Variants in NOL4 observed in about 807,000 individuals in gnomAD.
The protein encoded by NOL4 is cancer/testis antigen 125.
Under a neutral mutation model 75.9 loss-of-function variants are expected in NOL4, and 17 were observed. That is an observed-to-expected ratio of 0.22 (90% CI 0.15 to 0.34). NOL4 has a LOEUF of 0.34. Among genes scored for constraint, NOL4 ranks in the 10% least tolerant of loss-of-function variants. The pLI, the probability that NOL4 is intolerant of heterozygous loss-of-function variation, is 1.00. For synonymous variants in NOL4, 292 were observed against 289.9 expected (o/e 1.01, Z -0.07); for missense variants, 614 against 793.5 (o/e 0.77, Z 2.72).
chr18:33,886,812 G>A (rs1317359617), intron 9 of NOL4, among the ~76,000 whole-genome samples: 1 of 134,542 alleles, frequency 7.4e-6, no homozygotes. Context: ...TACGTATATA[G>A]ATATATCTAT....
intron 2 of NOL4, among the ~76,000 whole-genome samples, chr18:34,120,694 G>A (rs2080099400): frequency 2.0e-5 from 3 of 152,176 alleles, no homozygotes; most frequent in African/African-American, 4.8e-5. Context: ...AAAAGTGAAT[G>A]TGCTACAGAG....
chr18:34,046,601 CTT>C (rs1491122160), intron 5 of NOL4, among the ~76,000 whole-genome samples: 7 of 38,438 alleles, frequency 1.8e-4, no homozygotes, highest in African/African-American at 4.3e-4. Context: ...TTACTATTTA[CTT>C]ATACATATAT....
intron 10 of NOL4, among the ~76,000 whole-genome samples, chr18:33,864,016 A>G (rs2063310888): frequency 1.3e-5 from 2 of 152,126 alleles, no homozygotes; most frequent in African/African-American, 4.8e-5. Context: ...CAATGGCTGA[A>G]CCTTTACCTT....
chr18:34,119,898 A>G (rs1311151770), intron 2 of NOL4, among the ~76,000 whole-genome samples: 1 of 152,166 alleles, frequency 6.6e-6, no homozygotes, highest in Non-Finnish European at 1.5e-5. Flanking sequence ...CTGGGATTAC[A>G]GGCTTAAGCC....
intron 2 of NOL4, among the ~76,000 whole-genome samples, chr18:34,122,901 C>T (rs2080211045): frequency 6.6e-6 from 1 of 151,986 alleles, no homozygotes; most frequent in Non-Finnish European, 1.5e-5. Context: ...GAGGCATTAA[C>T]CAGCTACTTT....
intron 4 of NOL4, among the ~76,000 whole-genome samples, chr18:34,099,527 C>A (rs865785096): frequency 2.6e-5 from 4 of 151,980 alleles, no homozygotes; most frequent in African/African-American, 9.7e-5. Flanking sequence ...CATTTCATTA[C>A]CAGCAACTGC....
intron 6 of NOL4, among the ~76,000 whole-genome samples, chr18:33,973,959 A>G (rs1412084957): frequency 6.6e-6 from 1 of 152,158 alleles, no homozygotes; most frequent in African/African-American, 2.4e-5. Flanking sequence ...GCCCCTAACA[A>G]GATAGTTAGC....
intron 5 of NOL4, among the ~76,000 whole-genome samples, chr18:34,091,674 GA>G (rs1312388857): frequency 2.0e-5 from 3 of 152,122 alleles, no homozygotes; most frequent in African/African-American, 7.2e-5. Context: ...TTTTAAAGAA[GA>G]TATTTATCAA....
In NOL4 at chr18:33,851,565, G is replaced by T. The variant is rs1045954; in HGVS notation, c.*1277C>A. ...ACAAAGAATTTGTAATCCAACCAAA[G>T]CTAAACAACAGAAAAAAGTTGTATA... On this transcript the variant is annotated 3_prime_UTR_variant, in exon 11 of 11. Coordinates refer to ENST00000261592, the MANE Select transcript of NOL4 (RefSeq NM_003787.5). 0.16 allele frequency: 23,614 copies of T among 152,286 alleles called. 2,071 individuals carry two copies. The highest frequency in any genetic ancestry group is 0.2 in the Non-Finnish European group (13,835 of 67,912). The allele number at this position is 152,286 out of a possible 1,614,324, so 9.4% of individuals were successfully genotyped here.
At chr18:33,971,628 A>G (rs2071071253) in intron 6 of NOL4, among the ~76,000 whole-genome samples, 1 of 152,170 alleles carries the variant, frequency 6.6e-6, no homozygotes, top group South Asian at 2.1e-4. Context: ...GAGAAAATGT[A>G]CAGTTCTAGG....
chr18:34,190,345 T>C (rs1457504573), intron 1 of NOL4, among the ~76,000 whole-genome samples: 2 of 151,984 alleles, frequency 1.3e-5, no homozygotes, highest in African/African-American at 2.4e-5. Flanking sequence ...TAAATTAAAA[T>C]GGTCTCTTAA....
chr18:34,155,095 G>T (rs1275390731), intron 1 of NOL4, among the ~76,000 whole-genome samples: 1 of 151,744 alleles, frequency 6.6e-6, no homozygotes, highest in Admixed American at 6.6e-5. Context: ...ATGAAAGGAT[G>T]ACAAGAGTAG....
intron 9 of NOL4, among the ~76,000 whole-genome samples, chr18:33,918,464 C>T (rs1049106320): frequency 2.0e-5 from 3 of 151,948 alleles, no homozygotes; most frequent in Non-Finnish European, 4.4e-5. Context: ...CAAGTATCCT[C>T]TCAAGGGCAA....
At chr18:34,164,632 C>T (rs937150721) in intron 1 of NOL4, among the ~76,000 whole-genome samples, 1 of 152,032 alleles carries the variant, frequency 6.6e-6, no homozygotes. Context: ...AACACTTTTA[C>T]ACTGTTGGTG....
chr18:33,859,216 C>T (rs1300542591), intron 10 of NOL4, among the ~76,000 whole-genome samples: 1 of 151,782 alleles, frequency 6.6e-6, no homozygotes, highest in Non-Finnish European at 1.5e-5. Flanking sequence ...AATGTGTATG[C>T]CAAAATACTA....
chr18:34,138,501 T>C (rs879535236), intron 1 of NOL4, among the ~76,000 whole-genome samples: 1 of 152,164 alleles, frequency 6.6e-6, no homozygotes, highest in Non-Finnish European at 1.5e-5. Context: ...ACAAAGTATC[T>C]TTTAGGAGGG....
intron 9 of NOL4, among the ~76,000 whole-genome samples, chr18:33,893,333 C>T (rs1471756918): frequency 6.6e-6 from 1 of 152,090 alleles, no homozygotes; most frequent in Non-Finnish European, 1.5e-5. Context: ...CAGGTTTGTA[C>T]TCCTTTGTAC....
At chr18:33,863,426 T>TA (rs566619480) in intron 10 of NOL4, among the ~76,000 whole-genome samples, 34 of 151,784 alleles carry the variant, frequency 2.2e-4, no homozygotes, top group African/African-American at 7.7e-4. Flanking sequence ...ATAATAATAA[T>TA]AAAAAAAAGT....
chr18:34,137,829 T>C (rs1347298428), intron 1 of NOL4, among the ~76,000 whole-genome samples: 1 of 139,240 alleles, frequency 7.2e-6, no homozygotes, highest in Non-Finnish European at 1.6e-5. Flanking sequence ...CATACACACA[T>C]TCAAAAGGAA....
Sources: gnomAD v4.1 joint callset for allele counts (sites outside exome capture counted in the v4.1 genomes callset) on GRCh38, gnomAD v4.1.1 for gene constraint, MANE v1.5 for transcripts, NCBI Gene and HGNC (gene_info 2026-07-23, HGNC 2026-07-21) for gene names.